Variants in XYLT1 observed in about 807,000 individuals in gnomAD.
The protein encoded by XYLT1 is xylosyltransferase 1.
In XYLT1, 36 loss-of-function variants were observed where a neutral mutation model predicts 91.3. The ratio of observed to expected loss-of-function variants is 0.39; its 90% CI spans 0.30 to 0.52. The LOEUF (loss-of-function observed/expected upper bound fraction) is 0.52, where lower values mean the gene tolerates loss of function less well. Ranked by LOEUF, XYLT1 falls within the 20% of genes least tolerant of loss-of-function variation. The pLI is 0.68. For missense variants in XYLT1, 1,242 were observed against 1,284.5 expected (o/e 0.97, Z 0.51); for synonymous variants, 588 against 532.0 (o/e 1.11, Z -1.45).
At chr16:17,347,775 C>A (rs1345398685) in intron 2 of XYLT1, among the ~76,000 whole-genome samples, 1 of 152,236 alleles carries the variant, frequency 6.6e-6, no homozygotes, top group Admixed American at 6.5e-5. Flanking sequence ...AGAGATGTTA[C>A]TCTCCAAACT....
At chr16:17,169,436 C>A (rs935054063) in intron 5 of XYLT1, among the ~76,000 whole-genome samples, 34 of 152,188 alleles carry the variant, frequency 2.2e-4, no homozygotes, top group African/African-American at 7.2e-4. Flanking sequence ...AGTGCTTTCA[C>A]AGGACATTTG....
intron 1 of XYLT1, among the ~76,000 whole-genome samples, chr16:17,397,983 C>T (rs1012490909): frequency 6.6e-6 from 1 of 151,910 alleles, no homozygotes; most frequent in Non-Finnish European, 1.5e-5. Context: ...CCACCATTCC[C>T]GGCTAATTTT....
intron 2 of XYLT1, among the ~76,000 whole-genome samples, chr16:17,270,074 A>T (rs1369545061): frequency 6.6e-6 from 1 of 152,070 alleles, no homozygotes; most frequent in Non-Finnish European, 1.5e-5. Flanking sequence ...TGGCCTCCCA[A>T]AGTGCTGGGA....
intron 1 of XYLT1, among the ~76,000 whole-genome samples, chr16:17,386,649 T>C (rs1379609059): frequency 6.6e-6 from 1 of 152,172 alleles, no homozygotes; most frequent in Non-Finnish European, 1.5e-5. Flanking sequence ...TTCCGTTGCA[T>C]GTCAATTGCA....
intron 2 of XYLT1, among the ~76,000 whole-genome samples, chr16:17,283,694 C>G (rs2141788020): frequency 6.6e-6 from 1 of 152,322 alleles, no homozygotes; most frequent in South Asian, 2.1e-4. Flanking sequence ...AACGCAACCA[C>G]AACTCATTTC....
chr16:17,141,409 GAAAGAC>G, intron 6 of XYLT1, 40 bp from the exon 7 acceptor site: 1 of 1,585,502 alleles, frequency 6.3e-7, no homozygotes, highest in Non-Finnish European at 8.6e-7. Flanking sequence ...GAGGTGTCCT[GAAAGAC>G]AGAACTCCAG....
intron 3 of XYLT1, among the ~76,000 whole-genome samples, chr16:17,239,561 C>T (rs1370576177): frequency 6.9e-5 from 10 of 144,514 alleles, no homozygotes; most frequent in African/African-American, 1.5e-4. Context: ...ACTCATCCAC[C>T]CAGTCCATCC....
In XYLT1 at chr16:17,104,026, T is replaced by C. The variant is rs928006671; in HGVS notation, c.*4669A>G. On this transcript the variant is annotated 3_prime_UTR_variant, in exon 12 of 12. Coordinates refer to ENST00000261381, the MANE Select transcript of XYLT1 (RefSeq NM_022166.4). The stretch of plus-strand genomic sequence containing the variant: ...GCTCAAGCAGATTTGGACAACTTTG[T>C]TCCCCCCTCCCAGGTAAACTTCTCA... The C allele has an allele frequency of 8.5e-5, 13 of 152,840 alleles. No individual in the cohort carries two copies. The highest frequency in any genetic ancestry group is 7.8e-4 in the Admixed American group (12 of 15,296). 9.5% of individuals were successfully genotyped at this position (152,840 alleles called of 1,614,324 possible).
intron 2 of XYLT1, among the ~76,000 whole-genome samples, chr16:17,287,725 C>T (rs8054909): frequency 0.1 from 15,717 of 152,090 alleles, 1,038 homozygotes; most frequent in African/African-American, 0.18. Flanking sequence ...GCTGAATGTC[C>T]CTAAGACAGA....
chr16:17,290,970 TG>T (rs1352330995), intron 2 of XYLT1, among the ~76,000 whole-genome samples: 2 of 152,230 alleles, frequency 1.3e-5, no homozygotes, highest in Non-Finnish European at 2.9e-5. Context: ...ACACGGTCTC[TG>T]TCACCCAGGC....
intron 2 of XYLT1, among the ~76,000 whole-genome samples, chr16:17,281,080 C>T (rs1041854947): frequency 6.6e-6 from 1 of 152,190 alleles, no homozygotes; most frequent in Non-Finnish European, 1.5e-5. Flanking sequence ...GGATTTGGCC[C>T]CTCTTTCAGC....
intron 1 of XYLT1, among the ~76,000 whole-genome samples, chr16:17,410,196 T>A (rs1461995073): frequency 6.6e-6 from 1 of 152,118 alleles, no homozygotes; most frequent in East Asian, 1.9e-4. Context: ...AATCCAAAAG[T>A]ATTGATACAA....
rs545024711 is a variant in XYLT1 at position 17,263,766 on chromosome 16, C to T, written c.403-4268G>A. ...TCTTGTCACCTAGGCTGGAGTGCAA[C>T]GGCGCCATCTTGGCTCACTGTAACC... On this transcript the variant is annotated intron_variant, in intron 2 of 11. Transcript: ENST00000261381. Among the ~76,000 whole-genome samples, 28 of 152,062 alleles carry T rather than the reference C, an allele frequency of 1.8e-4. No homozygotes were observed. In the South Asian group the frequency reaches 2.7e-3, roughly 15 times the overall value.
At chr16:17,303,725 C>G (rs1405540692) in intron 2 of XYLT1, among the ~76,000 whole-genome samples, 1 of 152,168 alleles carries the variant, frequency 6.6e-6, no homozygotes, top group Non-Finnish European at 1.5e-5. Flanking sequence ...ACACATTCAG[C>G]CTTTTCACTC....
At chr16:17,307,452 G>C (rs1275579586) in intron 2 of XYLT1, among the ~76,000 whole-genome samples, 1 of 152,142 alleles carries the variant, frequency 6.6e-6, no homozygotes, top group Admixed American at 6.5e-5. Flanking sequence ...CATTACAGGA[G>C]TCATCTCTAT....
chr16:17,176,617 G>A (rs1019747640), intron 5 of XYLT1, among the ~76,000 whole-genome samples: 3 of 152,190 alleles, frequency 2.0e-5, no homozygotes, highest in African/African-American at 7.2e-5. Flanking sequence ...TCCAGATCCA[G>A]CTTACAGGGT....
intron 2 of XYLT1, among the ~76,000 whole-genome samples, chr16:17,310,041 T>C (rs554480044): frequency 6.6e-6 from 1 of 152,186 alleles, no homozygotes; most frequent in African/African-American, 2.4e-5. Flanking sequence ...TGGGATCAGA[T>C]TGAAACTTCT....
chr16:17,402,617 C>T (rs1339267456), intron 1 of XYLT1, among the ~76,000 whole-genome samples: 1 of 152,144 alleles, frequency 6.6e-6, no homozygotes, highest in Non-Finnish European at 1.5e-5. Context: ...GAAGCTCTCT[C>T]TCTTGTCTCC....
intron 1 of XYLT1, among the ~76,000 whole-genome samples, chr16:17,402,302 G>A (rs907185080): frequency 5.3e-5 from 8 of 151,336 alleles, no homozygotes; most frequent in African/African-American, 1.5e-4. Flanking sequence ...CCTGGGCAAC[G>A]GAGACCTTGT....
Sources: allele counts gnomAD v4.1 joint callset (sites outside exome capture counted in the v4.1 genomes callset), GRCh38; gene constraint gnomAD v4.1.1; transcripts MANE v1.5; gene names NCBI Gene and HGNC (gene_info 2026-07-23, HGNC 2026-07-21).